The following FANCB variants were observed in gnomAD, a reference collection of about 807,000 sequenced individuals.
The protein encoded by FANCB is FA complementation group B.
Under a neutral mutation model 38.9 loss-of-function variants are expected in FANCB, and 5 were observed. That is an observed-to-expected ratio of 0.13 (90% CI 0.07 to 0.27). FANCB has a LOEUF of 0.27. Ranked by LOEUF, FANCB falls within the 10% of genes least tolerant of loss-of-function variation. The pLI, the probability that FANCB is intolerant of heterozygous loss-of-function variation, is 1.00. For synonymous variants in FANCB, 236 were observed against 215.4 expected (o/e 1.10, Z -0.84); for missense variants, 573 against 602.7 (o/e 0.95, Z 0.52).
chrX:14,818,947 G>GT, the FANCB span, among the ~76,000 whole-genome samples: 325 of 112,520 alleles, frequency 2.9e-3, no homozygotes, highest in African/African-American at 0.01. Context: ...ACATACTCAA[G>GT]TTGTTCCAAA....
At chrX:14,808,431 T>C in the FANCB span, among the ~76,000 whole-genome samples, 35 of 112,155 alleles carry the variant, frequency 3.1e-4, no homozygotes, top group African/African-American at 1.1e-3. Flanking sequence ...ATCAATGTGA[T>C]ACATCATATC....
chrX:14,729,819 T>A, the FANCB span, among the ~76,000 whole-genome samples: 1 of 111,718 alleles, frequency 9.0e-6, no homozygotes, highest in African/African-American at 3.3e-5. Flanking sequence ...AATGAATGAA[T>A]GAATGAATGA....
At chrX:14,817,286 T>C in the FANCB span, among the ~76,000 whole-genome samples, 4 of 111,843 alleles carry the variant, frequency 3.6e-5, no homozygotes, top group Non-Finnish European at 5.6e-5. Flanking sequence ...AGATGGTTTA[T>C]AAATTATTTC....
the FANCB span, among the ~76,000 whole-genome samples, chrX:14,826,987 A>G: frequency 9.0e-6 from 1 of 111,477 alleles, no homozygotes; most frequent in East Asian, 2.8e-4. Flanking sequence ...GGCTACTTAG[A>G]TTTCCTAAGA....
chrX:14,826,007 GCCT>G, the FANCB span, among the ~76,000 whole-genome samples: 1 of 112,003 alleles, frequency 8.9e-6, no homozygotes, highest in Non-Finnish European at 1.9e-5. Context: ...TAGCTCTTTA[GCCT>G]CCTACTTCAT....
At chrX:14,871,755 T>A (rs1720803972) in intron 1 of FANCB, among the ~76,000 whole-genome samples, 2 of 111,226 alleles carry the variant, frequency 1.8e-5, no homozygotes, top group South Asian at 3.7e-4. Flanking sequence ...AACAGCATTA[T>A]ATATGTTCTA....
chrX:14,723,598 G>C, the FANCB span, among the ~76,000 whole-genome samples: 1 of 111,534 alleles, frequency 9.0e-6, no homozygotes, highest in African/African-American at 3.3e-5. Flanking sequence ...GGTTTACAGG[G>C]CCCTATATGA....
intron 6 of FANCB, among the ~76,000 whole-genome samples, chrX:14,851,485 A>G (rs2092401375): frequency 1.3e-5 from 1 of 78,662 alleles, no homozygotes; most frequent in South Asian, 5.1e-4. Context: ...CTGCCTCTCC[A>G]TGTGGTAATT....
chrX:14,691,043 A>G, the FANCB span, among the ~76,000 whole-genome samples: 2 of 112,046 alleles, frequency 1.8e-5, no homozygotes, highest in African/African-American at 6.5e-5. Flanking sequence ...TGTCAGATTC[A>G]GCAAATAAAA....
chrX:14,694,883 T>G, the FANCB span, among the ~76,000 whole-genome samples: 2 of 111,641 alleles, frequency 1.8e-5, no homozygotes, highest in African/African-American at 3.3e-5. Flanking sequence ...GACTCACAGA[T>G]TTTTGGCTTA....
chrX:14,847,376 G>A (rs1178436988), intron 7 of FANCB, among the ~76,000 whole-genome samples: 1 of 111,109 alleles, frequency 9.0e-6, no homozygotes, highest in Non-Finnish European at 1.9e-5. Context: ...TCAATGACTG[G>A]ATTAAATAGC....
the FANCB span, among the ~76,000 whole-genome samples, chrX:14,812,971 T>C: frequency 1.0e-5 from 1 of 97,968 alleles, no homozygotes; most frequent in Non-Finnish European, 2.0e-5. Context: ...TCCACCATGA[T>C]CAAGTGGGCT....
In FANCB at chrX:14,843,498, G is replaced by GC; in HGVS notation, c.*68dup. 9 of 780,085 alleles carry GC rather than the reference G, an allele frequency of 1.2e-5. No homozygotes were observed. The South Asian group carries it at 2.0e-4, about 17-fold the overall frequency. 64.3% of individuals were successfully genotyped at this position (780,085 alleles called of 1,213,427 possible). On this transcript the variant is annotated 3_prime_UTR_variant, in exon 10 of 10. Transcript: ENST00000650831. Reference sequence around the variant, plus strand: ...TTTATTTTTACAAAGGAGGCATATAGCAAGTAGAACCAAAATCTTATATGG... The same window carrying GC: ...TTTATTTTTACAAAGGAGGCATATAGCCAAGTAGAACCAAAATCTTATATGG...
At chrX:14,804,327 C>T in the FANCB span, among the ~76,000 whole-genome samples, 1 of 112,113 alleles carries the variant, frequency 8.9e-6, no homozygotes, top group Non-Finnish European at 1.9e-5. Context: ...AGTTCATGTC[C>T]TTTGTAGGGA....
chrX:14,696,238 G>A, the FANCB span, among the ~76,000 whole-genome samples: 1 of 104,956 alleles, frequency 9.5e-6, no homozygotes, highest in Non-Finnish European at 2.0e-5. Flanking sequence ...GAGGGAGGGA[G>A]GGACGGAAGT....
chrX:14,777,825 G>A, the FANCB span, among the ~76,000 whole-genome samples: 1 of 111,948 alleles, frequency 8.9e-6, no homozygotes, highest in Non-Finnish European at 1.9e-5. Flanking sequence ...CCGATATCAC[G>A]ATCTTTCAAT....
intron 3 of FANCB, among the ~76,000 whole-genome samples, chrX:14,864,289 AAAAT>A (rs2092459173): frequency 8.9e-6 from 1 of 112,132 alleles, no homozygotes; most frequent in East Asian, 2.8e-4. Context: ...TTATAATAGA[AAAAT>A]AAATACATAA....
At chrX:14,820,567 C>T in the FANCB span, among the ~76,000 whole-genome samples, 12 of 111,820 alleles carry the variant, frequency 1.1e-4, no homozygotes, top group African/African-American at 2.9e-4. Flanking sequence ...AAATGGGTTA[C>T]ATAAATAAAT....
the FANCB span, among the ~76,000 whole-genome samples, chrX:14,778,139 C>T: frequency 5.4e-5 from 6 of 112,125 alleles, no homozygotes; most frequent in Non-Finnish European, 1.1e-4. Flanking sequence ...TTAACAGGTG[C>T]TGCTGTTAAC....
Sources: gnomAD v4.1 joint callset for allele counts (sites outside exome capture counted in the v4.1 genomes callset) on GRCh38, gnomAD v4.1.1 for gene constraint, MANE v1.5 for transcripts, NCBI Gene and HGNC (gene_info 2026-07-23, HGNC 2026-07-21) for gene names.